Variants in AMY2A observed in about 807,000 individuals in gnomAD.
The protein encoded by AMY2A is amylase alpha 2A, also known as pancreatic alpha-amylase.
In AMY2A, 16 loss-of-function variants were observed where a neutral mutation model predicts 43.0. That is an observed-to-expected ratio of 0.37 (90% confidence interval 0.25 to 0.56). AMY2A has a LOEUF of 0.56. AMY2A is among the 20% of genes least tolerant of loss of function. The pLI, the probability that AMY2A is intolerant of heterozygous loss-of-function variation, is 0.77. For missense variants in AMY2A, 212 were observed against 456.8 expected, an observed-to-expected ratio of 0.46 and a Z score of 4.89; for synonymous variants, 70 against 144.6, an observed-to-expected ratio of 0.48 and a Z score of 3.70.
upstream of AMY2A, chr1:103,617,207 G>C: frequency 8.7e-7 from 1 of 1,143,852 alleles, no homozygotes; most frequent in Non-Finnish European, 1.2e-6. Context: ...AAAAATAAAA[G>C]TGCTGCCAGA....
chr1:103,618,103 A>G lies in AMY2A; in HGVS notation c.315+3A>G. 6.3e-7 allele frequency: 1 copy of G among 1,594,938 alleles called. No homozygotes were observed. The highest frequency in any genetic ancestry group is 8.6e-7 in the Non-Finnish European group (1 of 1,166,740). ...TGACTAGATGTAACAATGTTGGGGT[A>G]AGTGAATTCTAGTTTCCTTTAAAAA... On this transcript the variant is annotated splice_donor_region_variant and intron_variant, in intron 2 of 9. Transcript: ENST00000414303.
At chr1:103,620,037 A>G (rs1160311576) in intron 4 of AMY2A, among the ~76,000 whole-genome samples, 1 of 150,768 alleles carries the variant, frequency 6.6e-6, no homozygotes, top group African/African-American at 2.4e-5. Context: ...ACAAGTTAAT[A>G]TTTATCAAGG....
intron 3 of AMY2A, 36 bp downstream of exon 3, chr1:103,619,144 T>A: frequency 1.4e-6 from 1 of 704,206 alleles, no homozygotes; most frequent in East Asian, 3.2e-5. Context: ...AATAAAAGAG[T>A]AATATATGCC....
At chr1:103,621,037 CATGTA>C (rs1653222003) in intron 5 of AMY2A, among the ~76,000 whole-genome samples, 1 of 8,334 alleles carries the variant, frequency 1.2e-4, no homozygotes, top group Non-Finnish European at 1.9e-4. Context: ...GTAGAATTTA[CATGTA>C]TTATATGAAT....
In AMY2A at chr1:103,619,096, T is replaced by C. The variant is rs1473774257; in HGVS notation, c.501T>C (p.Asn167=). 8.9e-6 allele frequency: 10 copies of C among 1,128,286 alleles called. 1 individual carries two copies. The highest frequency in any genetic ancestry group is 1.2e-5 in the Non-Finnish European group (10 of 815,314). 69.9% of individuals were successfully genotyped at this position (1,128,286 alleles called of 1,614,324 possible). ...GAAGTGGAGATATCGAGAACTACAATGATGCTACTCAGGTAATTTTTTTAC... is the reference window on the plus strand; with the variant it reads ...GAAGTGGAGATATCGAGAACTACAACGATGCTACTCAGGTAATTTTTTTAC... ...KTGSGDIENY[N]DATQVRDCRL... is the part of the protein sequence containing the mutation. The change falls in exon 3 of 10, where the codon AAT becomes AAC. Residue 167 remains asparagine (N), a synonymous_variant. Transcript: ENST00000414303.
At chr1:103,618,379 C>G (rs1653139428) in intron 2 of AMY2A, among the ~76,000 whole-genome samples, 1 of 150,672 alleles carries the variant, frequency 6.6e-6, no homozygotes, top group Admixed American at 6.6e-5. Context: ...TTCCCGGAAA[C>G]AATTTACTGG....
At chr1:103,623,677 G>A (rs1473746863) in intron 7 of AMY2A, among the ~76,000 whole-genome samples, 189 bp from the exon 8 acceptor site, 2 of 122,810 alleles carry the variant, frequency 1.6e-5, no homozygotes, top group East Asian at 1.9e-4. Context: ...TATGCCAGAA[G>A]AAAACCAGAG....
intron 1 of AMY2A, 122 bp downstream of exon 1, chr1:103,617,730 G>A: frequency 6.4e-7 from 1 of 1,560,134 alleles, no homozygotes; most frequent in South Asian, 1.2e-5. Flanking sequence ...AAGTAAAAGA[G>A]ATTTCTGAGG....
rs1653159141 is a variant in AMY2A, at chr1:103,619,029, C to T, written c.434C>T (p.Pro145Leu). The change falls in exon 3 of 10, where the codon CCA becomes CTA. Residue 145 changes from proline (P) to leucine (L), a missense_variant. Physicochemically the swap from Pro to Leu is moderately conservative, Grantham distance 98. This residue lies in a region of AMY2A where 199 missense variants were observed against 210.6 expected (regional missense o/e 0.94). Transcript: ENST00000414303. ...GGAAGTAGGGACTTTCCAGCAGTCC[C>T]ATATTCTGGATGGGATTTCAATGAT... ...NPGSRDFPAV[P>L]YSGWDFNDGK... 1.5e-6 allele frequency: 2 copies of T among 1,311,578 alleles called. No individual in the cohort carries two copies. The highest frequency in any genetic ancestry group is 2.1e-6 in the Non-Finnish European group (2 of 970,468). The allele number at this position is 1,311,578 out of a possible 1,614,324, so 81.2% of individuals were successfully genotyped here.
At chr1:103,624,936 C>G (rs1415032143) in intron 9 of AMY2A, among the ~76,000 whole-genome samples, 1 of 131,100 alleles carries the variant, frequency 7.6e-6, no homozygotes, top group Admixed American at 7.3e-5. Context: ...ATACTTAGCT[C>G]ACTCTAGTAT....
Position 103,617,961 on chromosome 1 carries a change from C to T in AMY2A, c.176C>T (p.Pro59Leu). 6.2e-7 allele frequency: 1 copy of T among 1,600,474 alleles called. No homozygotes were observed. Among genetic ancestry groups the T allele is most frequent in the Non-Finnish European group, 8.5e-7 (1 of 1,170,618 alleles). ...AGACTGTTTAATTTGTAGGTCTCTC[C>T]ACCAAATGAAAATGTTGCAATTTAC... ...PKGFGGVQVSPPNENVAIYNP... is the reference protein window; with the variant it reads ...PKGFGGVQVSLPNENVAIYNP... Residue 59 changes from proline to leucine, a missense_variant, in exon 2 of 10, where the codon CCA becomes CTA. By Grantham distance (98) the Pro-to-Leu change is moderately conservative. This residue lies in a region of AMY2A where 199 missense variants were observed against 210.6 expected (regional missense o/e 0.94). Coordinates refer to ENST00000414303, the MANE Select transcript of AMY2A (RefSeq NM_000699.4).
rs919975792 is a variant in AMY2A, at chr1:103,619,036, T to C, written c.441T>C (p.Ser147=). Residue 147 remains serine (S), a synonymous_variant, in exon 3 of 10, where the codon TCT becomes TCC. Transcript: ENST00000414303. ...GSRDFPAVPY[S]GWDFNDGKCK... Reference sequence around the variant, plus strand: ...GGGACTTTCCAGCAGTCCCATATTCTGGATGGGATTTCAATGATGGTAAAT... The same window carrying C: ...GGGACTTTCCAGCAGTCCCATATTCCGGATGGGATTTCAATGATGGTAAAT... 7 of 1,293,494 alleles carry C rather than the reference T, an allele frequency of 5.4e-6. No individual in the cohort carries two copies. The African/African-American group carries it at 9.4e-5, about 17-fold the overall frequency. The allele number at this position is 1,293,494 out of a possible 1,614,324, so 80.1% of individuals were successfully genotyped here.
chr1:103,618,960 T>G lies in AMY2A; in HGVS notation c.365T>G (p.Val122Gly). Residue 122 changes from valine to glycine, a missense_variant, in exon 3 of 10, where the codon GTG becomes GGG. This residue lies in a region of AMY2A where 199 missense variants were observed against 210.6 expected (regional missense o/e 0.94). Transcript: ENST00000414303. Reference protein sequence around the residue: ...AVINHMCGNAVSAGTSSTCGS... With the variant: ...AVINHMCGNAGSAGTSSTCGS... ...ATTAATCATATGTGTGGTAACGCTG[T>G]GAGTGCAGGAACAAGCAGTACCTGT... 1 of 1,424,312 alleles carries G rather than the reference T, an allele frequency of 7.0e-7. No homozygotes were observed. Among genetic ancestry groups the G allele is most frequent in the East Asian group, 2.3e-5 (1 of 43,052 alleles). The allele number at this position is 1,424,312 out of a possible 1,614,324, so 88.2% of individuals were successfully genotyped here.
At chr1:103,617,857 A>T in intron 1 of AMY2A, 97 bp from the exon 2 acceptor site, 1 of 1,573,714 alleles carries the variant, frequency 6.4e-7, no homozygotes, top group Non-Finnish European at 8.6e-7. Context: ...CTATACCAAG[A>T]TTCAAGAATC....
At chr1:103,619,991 A>G (rs78103270) in intron 4 of AMY2A, among the ~76,000 whole-genome samples, 4,742 of 150,710 alleles carry the variant, frequency 0.031, 1 homozygote, top group African/African-American at 0.11. Context: ...TAGGATACTG[A>G]TAATAGTTAT....
intron 1 of AMY2A, 53 bp downstream of exon 1, chr1:103,617,661 A>G (rs1570666529): frequency 1.2e-6 from 2 of 1,600,760 alleles, no homozygotes. Flanking sequence ...TGTAGGAAAT[A>G]GTATTCTGAT....
chr1:103,616,820 G>C (rs554584494), upstream of AMY2A: 1 of 225,024 alleles, frequency 4.4e-6, no homozygotes, highest in South Asian at 1.5e-4. Flanking sequence ...CTGGCTCGGT[G>C]AGTCTGTGCG....
In AMY2A at chr1:103,617,805, G is replaced by C. The variant is rs960534971; in HGVS notation, c.169-149G>C. On this transcript the variant is annotated intron_variant, in intron 1 of 9. Transcript: ENST00000414303. Reference sequence around the variant, plus strand: ...TTCTGAGATAATCTTTCTTCACCAAGAGCCCTCCAATGTGCTGTTAATATT... The same window carrying C: ...TTCTGAGATAATCTTTCTTCACCAACAGCCCTCCAATGTGCTGTTAATATT... 2.6e-6 allele frequency: 4 copies of C among 1,522,028 alleles called. No individual in the cohort carries two copies. The African/African-American group carries it at 5.5e-5, about 21-fold the overall frequency. 94.3% of individuals were successfully genotyped at this position (1,522,028 alleles called of 1,614,324 possible).
intron 9 of AMY2A, among the ~76,000 whole-genome samples, chr1:103,624,901 C>T (rs1653279800): frequency 1.5e-5 from 2 of 131,116 alleles, no homozygotes; most frequent in South Asian, 4.5e-4. Context: ...GTTGAATTGT[C>T]CCTGTCCAAG....
Sources: allele counts gnomAD v4.1 joint callset (sites outside exome capture counted in the v4.1 genomes callset), GRCh38; gene constraint gnomAD v4.1.1; regional missense constraint gnomAD v4.1.1; transcripts MANE v1.5; gene names NCBI Gene and HGNC (gene_info 2026-07-23, HGNC 2026-07-21).